The following ADAMTS19 variants were observed in gnomAD, a reference collection of about 807,000 sequenced individuals.
ADAMTS19 encodes ADAM metallopeptidase with thrombospondin type 1 motif 19, also known as A disintegrin and metalloproteinase with thrombospondin motifs 19.
In ADAMTS19, 93 loss-of-function variants were observed where a neutral mutation model predicts 153.3. The ratio of observed to expected loss-of-function variants is 0.61; its 90% confidence interval spans 0.51 to 0.72. The LOEUF (loss-of-function observed/expected upper bound fraction) is 0.72. ADAMTS19 is among the 30% of genes least tolerant of loss of function. ADAMTS19 has a pLI of 0.00. For missense variants in ADAMTS19, 1,482 were observed against 1,552.1 expected, an observed-to-expected ratio of 0.95 and a Z score of 0.76; for synonymous variants, 600 against 556.6, an observed-to-expected ratio of 1.08 and a Z score of -1.10.
intron 7 of ADAMTS19, among the ~76,000 whole-genome samples, chr5:129,570,929 T>C (rs1214319069): frequency 6.6e-6 from 1 of 151,902 alleles, no homozygotes; most frequent in African/African-American, 2.4e-5. Context: ...TTTAACCTGA[T>C]AACAAGCATC....
At chr5:129,507,494 G>A (rs1751302185) in intron 2 of ADAMTS19, among the ~76,000 whole-genome samples, 2 of 152,080 alleles carry the variant, frequency 1.3e-5, no homozygotes, top group Non-Finnish European at 2.9e-5. Flanking sequence ...CAGACTGAGA[G>A]AAGTAAAATA....
intron 13 of ADAMTS19, among the ~76,000 whole-genome samples, chr5:129,652,414 A>C (rs1408231179): frequency 3.3e-5 from 5 of 152,208 alleles, no homozygotes; most frequent in Admixed American, 3.3e-4. Flanking sequence ...ATTTATTTTT[A>C]GAGAAAAGAC....
At chr5:129,536,043 A>G (rs539715605) in intron 6 of ADAMTS19, among the ~76,000 whole-genome samples, 129 of 152,330 alleles carry the variant, frequency 8.5e-4, no homozygotes, top group African/African-American at 3.0e-3. Context: ...AATGGCAACA[A>G]AAGCCAAAAT....
In ADAMTS19 at chr5:129,530,459, G is replaced by A. The variant is rs555577874; in HGVS notation, c.1328+1782G>A. ...AACATAAAAATTTCCATCAGCCAGT[G>A]GGTTGAGCGTTGTGGGGAGCAGAGG... On this transcript the variant is annotated intron_variant, in intron 6 of 22. Transcript: ENST00000274487. Among the ~76,000 whole-genome samples, 57 of 152,256 alleles carry A rather than the reference G, an allele frequency of 3.7e-4. 1 individual carries two copies. The South Asian group carries it at 7.3e-3, about 19-fold the overall frequency.
intron 8 of ADAMTS19, among the ~76,000 whole-genome samples, chr5:129,610,190 A>G (rs182329646): frequency 5.9e-5 from 9 of 152,050 alleles, no homozygotes; most frequent in Non-Finnish European, 1.2e-4. Context: ...TGTAGAAGTT[A>G]AAGATAATGA....
At chr5:129,687,223 T>C (rs1435259182) in intron 18 of ADAMTS19, among the ~76,000 whole-genome samples, 1 of 152,142 alleles carries the variant, frequency 6.6e-6, no homozygotes, top group Non-Finnish European at 1.5e-5. Flanking sequence ...CATCTTGTGG[T>C]TGGGGGGCAG....
chr5:129,602,526 A>C (rs1003213232), intron 8 of ADAMTS19, among the ~76,000 whole-genome samples: 1 of 152,190 alleles, frequency 6.6e-6, no homozygotes. Context: ...AACTGCATAA[A>C]AATTCTTGAG....
intron 13 of ADAMTS19, among the ~76,000 whole-genome samples, chr5:129,654,066 G>A (rs1365769084): frequency 6.6e-6 from 1 of 152,046 alleles, no homozygotes; most frequent in East Asian, 1.9e-4. Flanking sequence ...AATAACAAAT[G>A]ATACATTTTA....
At chr5:129,689,061 A>G (rs1755215743) in intron 18 of ADAMTS19, among the ~76,000 whole-genome samples, 1 of 152,210 alleles carries the variant, frequency 6.6e-6, no homozygotes, top group South Asian at 2.1e-4. Flanking sequence ...ATTTGTTTTG[A>G]TCTAGTGAAT....
intron 21 of ADAMTS19, among the ~76,000 whole-genome samples, chr5:129,732,000 G>A (rs183165294): frequency 1.3e-5 from 2 of 151,796 alleles, no homozygotes; most frequent in Non-Finnish European, 1.5e-5. Flanking sequence ...ATAAAATAAC[G>A]GTATTTTCTC....
intron 7 of ADAMTS19, among the ~76,000 whole-genome samples, chr5:129,557,853 T>C (rs1477862384): frequency 6.6e-6 from 1 of 152,008 alleles, no homozygotes; most frequent in Non-Finnish European, 1.5e-5. Flanking sequence ...AAACCAAATA[T>C]TAGCAGATAT....
intron 2 of ADAMTS19, among the ~76,000 whole-genome samples, chr5:129,506,676 A>G (rs1225540881): frequency 6.6e-6 from 1 of 151,992 alleles, no homozygotes; most frequent in African/African-American, 2.4e-5. Context: ...CAGGGATACA[A>G]AATTTAATAA....
At chr5:129,581,792 G>T (rs1017081947) in intron 7 of ADAMTS19, among the ~76,000 whole-genome samples, 1 of 152,144 alleles carries the variant, frequency 6.6e-6, no homozygotes, top group Admixed American at 6.5e-5. Flanking sequence ...CAGAGATGCT[G>T]GTATGTTGTA....
At chr5:129,705,761 G>C (rs138939797) in intron 21 of ADAMTS19, among the ~76,000 whole-genome samples, 3 of 152,276 alleles carry the variant, frequency 2.0e-5, no homozygotes, top group African/African-American at 7.2e-5. Context: ...TTCTAAGGGA[G>C]ACAAATAGAG....
intron 7 of ADAMTS19, among the ~76,000 whole-genome samples, chr5:129,577,238 A>T (rs1323953963): frequency 6.6e-6 from 1 of 152,150 alleles, no homozygotes; most frequent in African/African-American, 2.4e-5. Flanking sequence ...ACACTGTACG[A>T]AACATACCTG....
chr5:129,549,558 CAA>C (rs1167119254), intron 6 of ADAMTS19, among the ~76,000 whole-genome samples: 3 of 151,268 alleles, frequency 2.0e-5, no homozygotes, highest in African/African-American at 7.3e-5. Flanking sequence ...TTGAGATAAA[CAA>C]ATCAAAAATT....
chr5:129,627,560 T>A (rs1167818549), intron 10 of ADAMTS19, among the ~76,000 whole-genome samples: 3 of 149,642 alleles, frequency 2.0e-5, no homozygotes, highest in Non-Finnish European at 4.5e-5. Context: ...ATCAATAGAG[T>A]AAAGAGACAA....
intron 16 of ADAMTS19, among the ~76,000 whole-genome samples, chr5:129,668,209 C>T (rs955206258): frequency 2.0e-5 from 3 of 152,120 alleles, no homozygotes; most frequent in South Asian, 4.1e-4. Context: ...CCAAATTTTC[C>T]TCTTCTCTCT....
intron 2 of ADAMTS19, among the ~76,000 whole-genome samples, chr5:129,505,678 C>T (rs1751246514): frequency 6.6e-6 from 1 of 151,894 alleles, no homozygotes; most frequent in Non-Finnish European, 1.5e-5. Context: ...CTTATTTTCA[C>T]AAAAGCAATG....
Sources: allele counts gnomAD v4.1 joint callset (sites outside exome capture counted in the v4.1 genomes callset), GRCh38; gene constraint gnomAD v4.1.1; transcripts MANE v1.5; gene names NCBI Gene and HGNC (gene_info 2026-07-23, HGNC 2026-07-21).